Variants in SNTB2 observed in about 807,000 individuals in gnomAD.
SNTB2 encodes the protein beta-2-syntrophin.
SNTB2 carries 34 observed loss-of-function variants against 46.2 expected under a neutral mutation model. The observed-to-expected ratio is 0.74, with a 90% CI of 0.56 to 0.98. The LOEUF (loss-of-function observed/expected upper bound fraction) is 0.98. SNTB2 is among the 50% of genes least tolerant of loss of function. SNTB2 has a pLI of 0.00. For synonymous variants in SNTB2, 290 were observed against 312.6 expected (o/e 0.93, Z 0.76); for missense variants, 603 against 731.4 (o/e 0.82, Z 2.02).
At position 69,303,124 on chromosome 16, in the gene SNTB2, C is replaced by G. The variant is rs1266087770; in HGVS notation, c.*2200C>G. 2.6e-5 allele frequency: 4 copies of G among 152,170 alleles called. No homozygotes were observed. Among genetic ancestry groups the G allele is most frequent in the South Asian group, 2.1e-4 (1 of 4,828 alleles). The allele number at this position is 152,170 out of a possible 1,614,324, so 9.4% of individuals were successfully genotyped here. On this transcript the variant is annotated 3_prime_UTR_variant, in exon 7 of 7. Transcript: ENST00000336278. ...TCAAGTGATCCACCTGCCTTGGCCT[C>G]CCAAAGTGCTGGGATTATAGGTGTG... is the stretch of plus-strand genomic sequence containing the variant.
At chr16:69,216,885 C>T (rs954543117) in intron 1 of SNTB2, among the ~76,000 whole-genome samples, 20 of 152,174 alleles carry the variant, frequency 1.3e-4, no homozygotes, top group Non-Finnish European at 2.2e-4. Flanking sequence ...CATGCTCTTC[C>T]CCTGTCATTG....
chr16:69,277,035 A>G (rs1389677221), intron 4 of SNTB2, among the ~76,000 whole-genome samples: 2 of 152,226 alleles, frequency 1.3e-5, no homozygotes, highest in Non-Finnish European at 2.9e-5. Flanking sequence ...TGTTGTCTCA[A>G]GGAAAAGCAC....
rs1964002032 is a variant in SNTB2, at chr16:69,187,472, C to G, written c.306C>G (p.Gly102=). 8.3e-7 allele frequency: 1 copy of G among 1,209,450 alleles called. No individual in the cohort carries two copies. The highest frequency in any genetic ancestry group is 4.1e-5 in the South Asian group (1 of 24,358). 74.9% of individuals were successfully genotyped at this position (1,209,450 alleles called of 1,614,324 possible). ...CGAGCCCGCCGGCGCCGCCTCGGGG[C>G]CCCGCGGGTGAGGCGGGCGCGTCGC... ...GPPSPPAPPR[G]PAGEAGASPP... Residue 102 remains glycine (G), a synonymous_variant, in exon 1 of 7, where the codon GGC becomes GGG. Coordinates refer to ENST00000336278, the MANE Select transcript of SNTB2 (RefSeq NM_006750.4).
intron 4 of SNTB2, among the ~76,000 whole-genome samples, chr16:69,282,107 G>A (rs1965054777): frequency 6.7e-6 from 1 of 149,656 alleles, no homozygotes; most frequent in African/African-American, 2.4e-5. Context: ...GTTTTACCAT[G>A]TGGGCTAGGC....
rs571760042 is a variant in SNTB2, at chr16:69,296,078, G to A, written c.1346-3512G>A. Reference sequence around the variant, plus strand: ...GTGGATCACCTGAGGTCGGGAGTTCGAGACCAGCCTGACCAACATGGAGAA... The same window carrying A: ...GTGGATCACCTGAGGTCGGGAGTTCAAGACCAGCCTGACCAACATGGAGAA... On this transcript the variant is annotated intron_variant, in intron 5 of 6. Transcript: ENST00000336278. 5.9e-5 allele frequency among the ~76,000 whole-genome samples: 9 copies of A among 151,930 alleles called. No homozygotes were observed. In the South Asian group the frequency reaches 8.3e-4, roughly 14 times the overall value.
intron 3 of SNTB2, among the ~76,000 whole-genome samples, chr16:69,260,807 T>A (rs1011350067): frequency 1.3e-5 from 2 of 152,214 alleles, no homozygotes; most frequent in African/African-American, 4.8e-5. Context: ...AGTTGATTCC[T>A]CTGCTCTGGG....
At position 69,252,738 on chromosome 16, in the gene SNTB2, G is replaced by T. The variant is rs534362490; in HGVS notation, c.794+6923G>T. 9.1e-4 allele frequency among the ~76,000 whole-genome samples: 139 copies of T among 152,200 alleles called. 1 individual carries two copies. Among genetic ancestry groups the T allele is most frequent in the South Asian group, 4.8e-3 (23 of 4,818 alleles). On this transcript the variant is annotated intron_variant, in intron 2 of 6. Coordinates refer to ENST00000336278, the MANE Select transcript of SNTB2 (RefSeq NM_006750.4). ...ATTGCATTTCTCAGAAAATCCTCTC[G>T]TTTGACAAGAGGCCAAAACTTCACA...
chr16:69,292,382 TATATATATTATATATATATATATATTA>T lies in SNTB2; in HGVS notation c.1346-7207_1346-7181del, dbSNP rs1567416361. Among the ~76,000 whole-genome samples the T allele has an allele frequency of 1.8e-3, 42 of 23,670 alleles. 4 individuals carry two copies. The highest frequency in any genetic ancestry group is 0.013 in the Admixed American group (19 of 1,448). The allele number at this position is 23,670 out of a possible 152,430, so 15.5% of individuals were successfully genotyped here. ...TATATATATATATATATATATATTA[TATATATATTATATATATATATATATTA>T]TATATATATTATATATATATATATA... On this transcript the variant is annotated intron_variant, in intron 5 of 6. Transcript: ENST00000336278.
Position 69,292,379 on chromosome 16 carries a change from TTATATATATATTATA to T in SNTB2, c.1346-7199_1346-7185del, listed in dbSNP as rs1965172539. 1.6e-4 allele frequency among the ~76,000 whole-genome samples: 5 copies of T among 30,312 alleles called. 1 individual carries two copies. Among genetic ancestry groups the T allele is most frequent in the South Asian group, 1.4e-3 (1 of 734 alleles). 19.9% of individuals were successfully genotyped at this position (30,312 alleles called of 152,430 possible). A position where few individuals can be genotyped will look rare whatever the true frequency, so the allele number is the denominator to read the frequency against. On this transcript the variant is annotated intron_variant, in intron 5 of 6. Coordinates refer to ENST00000336278, the MANE Select transcript of SNTB2 (RefSeq NM_006750.4). Reference sequence around the variant, plus strand: ...TTATATATATATATATATATATATATTATATATATATTATATATATATATATATTATATATATATT... The same window carrying T: ...TTATATATATATATATATATATATATTATATATATATATTATATATATATT...
chr16:69,187,205 G>T lies in SNTB2; in HGVS notation c.39G>T (p.Gly13=). 1 of 1,410,376 alleles carries T rather than the reference G, an allele frequency of 7.1e-7. No individual in the cohort carries two copies. The allele number at this position is 1,410,376 out of a possible 1,614,324, so 87.4% of individuals were successfully genotyped here. A position where few individuals can be genotyped will look rare whatever the true frequency, so the allele number is the denominator to read the frequency against. Residue 13 remains glycine (G), a synonymous_variant, in exon 1 of 7, where the codon GGG becomes GGT. Transcript: ENST00000336278. ...CGGCGACTGCGGCGGCTGGAGCGGG[G>T]CCGGCCATGGCGGTGTGGACGCGGG... ...VAAATAAAGA[G]PAMAVWTRAT... is the part of the protein sequence containing the mutation.
chr16:69,192,494 CTG>C (rs1382653988), intron 1 of SNTB2, among the ~76,000 whole-genome samples: 3 of 152,128 alleles, frequency 2.0e-5, no homozygotes, highest in Non-Finnish European at 4.4e-5. Context: ...TCTGCTGTCT[CTG>C]GGGTTTGCGA....
At chr16:69,250,645 C>G (rs1488616084) in intron 2 of SNTB2, among the ~76,000 whole-genome samples, 1 of 152,030 alleles carries the variant, frequency 6.6e-6, no homozygotes, top group African/African-American at 2.4e-5. Context: ...GCCTGTAATC[C>G]TAGCACTTTG....
intron 4 of SNTB2, among the ~76,000 whole-genome samples, chr16:69,273,194 CAT>C (rs1964954733): frequency 6.6e-6 from 1 of 152,200 alleles, no homozygotes; most frequent in Non-Finnish European, 1.5e-5. Flanking sequence ...AAAAGCTAAA[CAT>C]AGAGTCACCC....
intron 1 of SNTB2, among the ~76,000 whole-genome samples, chr16:69,228,129 G>C (rs1163902302): frequency 1.3e-5 from 2 of 152,104 alleles, no homozygotes; most frequent in African/African-American, 4.8e-5. Flanking sequence ...TTCAGACACT[G>C]TTAAACAGTT....
rs118111684 is a variant in SNTB2, at chr16:69,244,757, A to G, written c.581-845A>G. Among the ~76,000 whole-genome samples the G allele has an allele frequency of 3.6e-4, 55 of 152,322 alleles. No individual in the cohort carries two copies. The East Asian group carries it at 8.1e-3, about 22-fold the overall frequency. On this transcript the variant is annotated intron_variant, in intron 1 of 6. Coordinates refer to ENST00000336278, the MANE Select transcript of SNTB2 (RefSeq NM_006750.4). ...CTTATTAGATCATACCTTATCTTGA[A>G]TATACTTTATTTTTGCACTTGATTT...
intron 1 of SNTB2, among the ~76,000 whole-genome samples, chr16:69,218,906 GA>G (rs897340765): frequency 2.0e-5 from 3 of 152,210 alleles, no homozygotes; most frequent in Admixed American, 6.5e-5. Context: ...AAAGCAGGAA[GA>G]AGGGGAAAGG....
chr16:69,247,958 A>AT lies in SNTB2; in HGVS notation c.794+2149dup, dbSNP rs1478865327. 3.9e-5 allele frequency among the ~76,000 whole-genome samples: 6 copies of AT among 152,076 alleles called. No individual in the cohort carries two copies. In the East Asian group the frequency reaches 1.2e-3, roughly 29 times the overall value. On this transcript the variant is annotated intron_variant, in intron 2 of 6. Coordinates refer to ENST00000336278, the MANE Select transcript of SNTB2 (RefSeq NM_006750.4). The stretch of plus-strand genomic sequence containing the variant: ...CACAGTGAGACCTCGCCTCTACAGG[A>AT]TTTTTTAAAAAAAAATTAGCCAGGC...
At position 69,284,052 on chromosome 16, in the gene SNTB2, G is replaced by A; in HGVS notation, c.1153G>A (p.Val385Ile). ...HSYPLVATRLVHSGSGCRSPS... is the reference protein window; with the variant it reads ...HSYPLVATRLIHSGSGCRSPS... ...CTGCTCTGTTTGTGGTCCTAGGTTG[G>A]TTCATTCTGGCTCCGGATGTCGATC... is the stretch of plus-strand genomic sequence containing the variant. The change falls in exon 5 of 7, where the codon GTT (valine) becomes ATT (isoleucine). Residue 385 changes from valine to isoleucine, a missense_variant. Coordinates refer to ENST00000336278, the MANE Select transcript of SNTB2 (RefSeq NM_006750.4). The A allele has an allele frequency of 6.2e-7, 1 of 1,610,282 alleles. No individual in the cohort carries two copies.
chr16:69,268,171 A>G (rs898971081), intron 3 of SNTB2, among the ~76,000 whole-genome samples: 1 of 152,196 alleles, frequency 6.6e-6, no homozygotes, highest in Non-Finnish European at 1.5e-5. Flanking sequence ...ATAAACTTCT[A>G]AAATACAATG....
Sources: gnomAD v4.1 joint callset for allele counts (sites outside exome capture counted in the v4.1 genomes callset) on GRCh38, gnomAD v4.1.1 for gene constraint, MANE v1.5 for transcripts, NCBI Gene and HGNC (gene_info 2026-07-23, HGNC 2026-07-21) for gene names.